WDR64: variants seen among roughly 807,000 people sequenced by gnomAD.
WDR64 encodes WD repeat domain 64.
WDR64 carries 112 observed loss-of-function variants against 139.3 expected under a neutral mutation model. That is an observed-to-expected ratio of 0.80 (90% CI 0.69 to 0.94). The LOEUF (loss-of-function observed/expected upper bound fraction) is 0.94, where lower values mean the gene tolerates loss of function less well. WDR64 is among the 40% of genes least tolerant of loss of function. The pLI, the probability that WDR64 is intolerant of heterozygous loss-of-function variation, is 0.00. For missense variants in WDR64, 1,206 were observed against 1,293.1 expected (o/e 0.93, Z 1.03); for synonymous variants, 444 against 437.7 (o/e 1.01, Z -0.18).
chr1:241,795,562 G>C (rs1029351888), intron 26 of WDR64, among the ~76,000 whole-genome samples: 1 of 152,060 alleles, frequency 6.6e-6, no homozygotes, highest in Non-Finnish European at 1.5e-5. Context: ...CCCTTGCTTG[G>C]CTTATAAAAC....
Position 241,678,082 on chromosome 1 carries a change from CAACTG to C in WDR64, c.484-103_484-99del, listed in dbSNP as rs1337253517. On this transcript the variant is annotated intron_variant, in intron 4 of 27. Coordinates refer to ENST00000437684, the MANE Select transcript of WDR64 (RefSeq NM_001367482.1). Reference sequence around the variant, plus strand: ...AGGAGACTTATGGAAGGCAGAATGACAACTGAGATTAAACCAAGAAGATACTGTGT... The same window carrying C: ...AGGAGACTTATGGAAGGCAGAATGACAGATTAAACCAAGAAGATACTGTGT... The C allele has an allele frequency of 7.5e-6, 3 of 397,576 alleles. No individual in the cohort carries two copies. In the Admixed American group the frequency reaches 1.3e-4, roughly 18 times the overall value. The allele number at this position is 397,576 out of a possible 1,614,324, so 24.6% of individuals were successfully genotyped here. A position where few individuals can be genotyped will look rare whatever the true frequency, so the allele number is the denominator to read the frequency against.
At chr1:241,777,789 A>C (rs1658713744) in intron 21 of WDR64, among the ~76,000 whole-genome samples, 1 of 152,174 alleles carries the variant, frequency 6.6e-6, no homozygotes, top group African/African-American at 2.4e-5. Context: ...GAATTTATAA[A>C]TATTCTACCT....
chr1:241,750,797 A>G (rs1445459187), intron 14 of WDR64, among the ~76,000 whole-genome samples: 3 of 152,216 alleles, frequency 2.0e-5, no homozygotes, highest in Non-Finnish European at 2.9e-5. Context: ...TTATATTTGT[A>G]TTCTTGGCCA....
chr1:241,801,535 T>A lies in WDR64; in HGVS notation c.*320T>A. ...TATCAATGTTTAGCTTTCCACTTCC[T>A]CCCATTGGTCACCTTACTCCACAGC... On this transcript the variant is annotated 3_prime_UTR_variant, in exon 28 of 28. Transcript: ENST00000437684. 2.4e-6 allele frequency: 1 copy of A among 415,884 alleles called. No individual in the cohort carries two copies. Among genetic ancestry groups the A allele is most frequent in the Admixed American group, 4.1e-5 (1 of 24,690 alleles). The allele number at this position is 415,884 out of a possible 1,614,324, so 25.8% of individuals were successfully genotyped here. A position where few individuals can be genotyped will look rare whatever the true frequency, so the allele number is the denominator to read the frequency against.
intron 24 of WDR64, 122 bp from the exon 25 acceptor site, chr1:241,790,469 T>C: frequency 1.3e-6 from 1 of 747,910 alleles, no homozygotes; most frequent in Non-Finnish European, 2.2e-6. Flanking sequence ...ATACTGTCAT[T>C]GGGACTGATG....
chr1:241,692,027 AT>A (rs374581143), intron 8 of WDR64, among the ~76,000 whole-genome samples: 8 of 151,512 alleles, frequency 5.3e-5, no homozygotes, highest in South Asian at 2.1e-4. Flanking sequence ...AAATAAAAAA[AT>A]AAAAAAAAAA....
chr1:241,680,591 C>T (rs1443458633), intron 6 of WDR64, among the ~76,000 whole-genome samples: 2 of 152,176 alleles, frequency 1.3e-5, no homozygotes, highest in Admixed American at 1.3e-4. Flanking sequence ...TCCGTCAACT[C>T]TTCTCTTCTT....
intron 8 of WDR64, among the ~76,000 whole-genome samples, chr1:241,701,418 C>T (rs1301053305): frequency 6.6e-6 from 1 of 152,150 alleles, no homozygotes; most frequent in Non-Finnish European, 1.5e-5. Context: ...CATTAAGTTC[C>T]TACTCTCCAT....
At chr1:241,723,227 C>G in intron 9 of WDR64, 70 bp from the exon 10 acceptor site, 1 of 1,569,490 alleles carries the variant, frequency 6.4e-7, no homozygotes, top group Non-Finnish European at 8.7e-7. Flanking sequence ...GGGTATGATA[C>G]AGTGAGAGAT....
intron 11 of WDR64, among the ~76,000 whole-genome samples, chr1:241,740,593 T>C (rs964991463): frequency 5.3e-5 from 8 of 151,928 alleles, no homozygotes; most frequent in African/African-American, 1.9e-4. Context: ...AATCTTTACA[T>C]CGATAAAATC....
intron 22 of WDR64, among the ~76,000 whole-genome samples, chr1:241,782,617 C>G (rs1428781038): frequency 6.6e-6 from 1 of 152,068 alleles, no homozygotes; most frequent in Non-Finnish European, 1.5e-5. Context: ...TCCCGAGGCC[C>G]ACGAGAGGCC....
intron 5 of WDR64, 136 bp from the exon 6 acceptor site, chr1:241,679,349 A>C: frequency 4.4e-6 from 3 of 676,536 alleles, no homozygotes; most frequent in Non-Finnish European, 5.2e-6. Flanking sequence ...ACACTCAGAC[A>C]GGATGTACTG....
At chr1:241,781,621 AAGAG>A (rs1180634767) in intron 22 of WDR64, among the ~76,000 whole-genome samples, 1 of 152,262 alleles carries the variant, frequency 6.6e-6, no homozygotes, top group Non-Finnish European at 1.5e-5. Context: ...TCTCCACAGA[AAGAG>A]AGACCACACA....
chr1:241,773,989 G>C (rs2148305779), intron 20 of WDR64, among the ~76,000 whole-genome samples: 1 of 152,304 alleles, frequency 6.6e-6, no homozygotes, highest in East Asian at 1.9e-4. Context: ...ATCGTATTGA[G>C]TGTTCTTCAA....
intron 11 of WDR64, among the ~76,000 whole-genome samples, chr1:241,739,731 A>C (rs1334702603): frequency 6.6e-6 from 1 of 152,242 alleles, no homozygotes; most frequent in African/African-American, 2.4e-5. Flanking sequence ...ATTTCTTCCC[A>C]ATTTTGTATC....
chr1:241,730,986 A>T (rs1669055483), intron 10 of WDR64, among the ~76,000 whole-genome samples: 1 of 152,144 alleles, frequency 6.6e-6, no homozygotes. Context: ...TATCTCTCAA[A>T]ACTCAAAATA....
chr1:241,735,919 T>A (rs1001918991), intron 10 of WDR64, among the ~76,000 whole-genome samples: 2 of 150,664 alleles, frequency 1.3e-5, no homozygotes. Context: ...CAATCTACAC[T>A]TTCCTCTACC....
chr1:241,668,367 G>T (rs564680983), intron 2 of WDR64, among the ~76,000 whole-genome samples: 1 of 152,056 alleles, frequency 6.6e-6, no homozygotes, highest in East Asian at 1.9e-4. Flanking sequence ...AATTAGCTGG[G>T]TGTGGTGGCA....
intron 1 of WDR64, among the ~76,000 whole-genome samples, chr1:241,658,712 C>T (rs1400555110): frequency 6.6e-6 from 1 of 150,770 alleles, no homozygotes; most frequent in Non-Finnish European, 1.5e-5. Context: ...CTACCAAAGA[C>T]TCCAATGGTG....
Sources: allele counts gnomAD v4.1 joint callset (sites outside exome capture counted in the v4.1 genomes callset), GRCh38; gene constraint gnomAD v4.1.1; transcripts MANE v1.5; gene names NCBI Gene and HGNC (gene_info 2026-07-23, HGNC 2026-07-21).